FBXW12: variants seen among roughly 807,000 people sequenced by gnomAD.
FBXW12 encodes F-box/WD repeat-containing protein 12.
In FBXW12, 43 loss-of-function variants were observed where a neutral mutation model predicts 55.3. The observed-to-expected ratio is 0.78, with a 90% CI of 0.61 to 1.00. The LOEUF (loss-of-function observed/expected upper bound fraction) is 1.00, where lower values mean the gene tolerates loss of function less well. Ranked by LOEUF, FBXW12 falls within the 50% of genes least tolerant of loss-of-function variation. The pLI, the probability that FBXW12 is intolerant of heterozygous loss-of-function variation, is 0.00. For synonymous variants in FBXW12, 184 were observed against 203.8 expected (o/e 0.90, Z 0.83); for missense variants, 524 against 560.5 (o/e 0.93, Z 0.66).
intron 6 of FBXW12, 87 bp downstream of exon 6, chr3:48,378,613 C>CATT: frequency 8.5e-6 from 5 of 587,054 alleles, no homozygotes; most frequent in East Asian, 4.0e-5. Context: ...TGTCCTATCC[C>CATT]TTTTTTTTTT....
intron 5 of FBXW12, among the ~76,000 whole-genome samples, chr3:48,375,843 T>G (rs1379438012): frequency 6.6e-6 from 1 of 151,724 alleles, no homozygotes; most frequent in Admixed American, 6.6e-5. Context: ...CCTGGCTAAT[T>G]TTTTTGTATT....
intron 10 of FBXW12, among the ~76,000 whole-genome samples, chr3:48,386,989 G>A (rs183445824): frequency 2.3e-3 from 341 of 150,318 alleles, no homozygotes; most frequent in African/African-American, 7.8e-3. Flanking sequence ...CCAGGCTGGA[G>A]TGCAATGGCA....
chr3:48,374,329 A>ATT (rs35433340), intron 4 of FBXW12, among the ~76,000 whole-genome samples: 64,179 of 137,652 alleles, frequency 0.47, 15,720 homozygotes, highest in South Asian at 0.65. Flanking sequence ...CAACCAGTTG[A>ATT]TTTTTTTTTT....
At chr3:48,391,395 A>G (rs1482267625) in intron 10 of FBXW12, among the ~76,000 whole-genome samples, 2 of 151,996 alleles carry the variant, frequency 1.3e-5, no homozygotes, top group Non-Finnish European at 2.9e-5. Context: ...TATTGTCCAC[A>G]AATAGATAGT....
At chr3:48,393,243 G>A (rs369172147) in intron 10 of FBXW12, among the ~76,000 whole-genome samples, 27 of 152,152 alleles carry the variant, frequency 1.8e-4, no homozygotes, top group African/African-American at 5.5e-4. Flanking sequence ...TAATCCACCC[G>A]CCTTGGCCTC....
chr3:48,373,740 G>A lies in FBXW12; in HGVS notation c.286+35G>A, dbSNP rs1258950107. ...TAGGTGCCCTAGAGGAACATGAGCAGCTTGTTTTCAGAGGTCCACTCTATT... is the reference window on the plus strand; with the variant it reads ...TAGGTGCCCTAGAGGAACATGAGCAACTTGTTTTCAGAGGTCCACTCTATT... On this transcript the variant is annotated intron_variant, in intron 4 of 10. Coordinates refer to ENST00000296438, the MANE Select transcript of FBXW12 (RefSeq NM_207102.2). 3.8e-6 allele frequency: 6 copies of A among 1,578,810 alleles called. No individual in the cohort carries two copies. In the East Asian group the frequency reaches 6.8e-5, roughly 18 times the overall value.
intron 7 of FBXW12, chr3:48,380,158 T>G (rs1426381396): frequency 6.6e-6 from 1 of 152,576 alleles, no homozygotes; most frequent in African/African-American, 2.4e-5. Flanking sequence ...ATTTTTTTTT[T>G]TTTTTACAAA....
chr3:48,372,617 G>C (rs553065234), intron 1 of FBXW12, 67 bp from the exon 2 acceptor site: 1 of 1,544,230 alleles, frequency 6.5e-7, no homozygotes, highest in South Asian at 1.2e-5. Flanking sequence ...AGGTCAGCCC[G>C]GGAGTCTGCA....
chr3:48,392,312 A>G (rs879350628), intron 10 of FBXW12, among the ~76,000 whole-genome samples: 8 of 152,094 alleles, frequency 5.3e-5, no homozygotes, highest in East Asian at 1.9e-4. Context: ...TTAGCTGGGC[A>G]TGGTGGCGGG....
intron 7 of FBXW12, chr3:48,379,885 C>CGGG (rs2036741543): frequency 3.8e-6 from 1 of 262,670 alleles, no homozygotes; most frequent in Non-Finnish European, 7.4e-6. Context: ...AAGGCTGAGG[C>CGGG]GGGAGGATCA....
At position 48,379,536 on chromosome 3, in the gene FBXW12, C is replaced by T. The variant is rs750294052; in HGVS notation, c.752C>T (p.Thr251Ile). 10 of 1,613,966 alleles carry T rather than the reference C, an allele frequency of 6.2e-6. No individual in the cohort carries two copies. Among genetic ancestry groups the T allele is most frequent in the Non-Finnish European group, 7.6e-6 (9 of 1,179,934 alleles). Reference protein sequence around the residue: ...PDKKWVFACGTYSRTLPQVFL... With the variant: ...PDKKWVFACGIYSRTLPQVFL... ...AAGAAATGGGTATTTGCATGTGGGA[C>T]ATACAGTCGTACCTTGCCACAGGTA... The change falls in exon 7 of 11, where the codon ACA becomes ATA. Residue 251 changes from threonine to isoleucine, a missense_variant. Coordinates refer to ENST00000296438, the MANE Select transcript of FBXW12 (RefSeq NM_207102.2).
In FBXW12 at chr3:48,372,867, T is replaced by C; in HGVS notation, c.90+10T>C. 2 of 1,613,298 alleles carry C rather than the reference T, an allele frequency of 1.2e-6. No homozygotes were observed. Among genetic ancestry groups the C allele is most frequent in the Non-Finnish European group, 8.5e-7 (1 of 1,179,230 alleles). On this transcript the variant is annotated intron_variant, in intron 2 of 10. Transcript: ENST00000296438. ...TTCCCAGGTGAACAAGGTAAAGGCC[T>C]TCCACCTCCCACTGCCCCCCAAGCC...
At chr3:48,393,266 G>A (rs1293891473) in intron 10 of FBXW12, among the ~76,000 whole-genome samples, 2 of 152,134 alleles carry the variant, frequency 1.3e-5, no homozygotes, top group East Asian at 3.9e-4. Context: ...AAAGTGCTGG[G>A]ATTACAGAAG....
chr3:48,380,758 C>T lies in FBXW12; in HGVS notation c.831C>T (p.Thr277=). The T allele has an allele frequency of 6.2e-7, 1 of 1,614,120 alleles. No individual in the cohort carries two copies. Among genetic ancestry groups the T allele is most frequent in the Non-Finnish European group, 8.5e-7 (1 of 1,179,984 alleles). The change falls in exon 8 of 11, where the codon ACC becomes ACT. Residue 277 remains threonine (T), a synonymous_variant. Coordinates refer to ENST00000296438, the MANE Select transcript of FBXW12 (RefSeq NM_207102.2). ...CAGAAGGCAGTGTTCCTCTGTCTAC[C>T]TTTCTCCCACATAAATTATGTGCCA... ...RPSEGSVPLS[T]FLPHKLCASA...
chr3:48,376,103 T>C (rs1020242753), intron 5 of FBXW12, among the ~76,000 whole-genome samples: 11 of 143,412 alleles, frequency 7.7e-5, no homozygotes, highest in Non-Finnish European at 1.5e-4. Context: ...TGCCTCAGCC[T>C]CCTGAGTAGC....
chr3:48,378,613 CTTTTT>C (rs749717436), intron 6 of FBXW12, 87 bp downstream of exon 6: 308 of 586,240 alleles, frequency 5.3e-4, no homozygotes, highest in Non-Finnish European at 5.5e-4. Context: ...TGTCCTATCC[CTTTTT>C]TTTTTTTTTT....
At chr3:48,394,293 C>T (rs938226088) in intron 10 of FBXW12, among the ~76,000 whole-genome samples, 3 of 152,024 alleles carry the variant, frequency 2.0e-5, no homozygotes, top group African/African-American at 4.8e-5. Context: ...CCTCTCTAAT[C>T]ATCATTAAAC....
Position 48,372,748 on chromosome 3 carries a change from G to T in FBXW12, c.-20G>T. On this transcript the variant is annotated 5_prime_UTR_variant, in exon 2 of 11. It removes an upstream start codon present in the reference 5' UTR. Coordinates refer to ENST00000296438, the MANE Select transcript of FBXW12 (RefSeq NM_207102.2). Reference sequence around the variant, plus strand: ...CCGGAGAGGAGAAAGGAAAGTGGATGTGGGTTCAGGCCGCATGAAATGGAG... The same window carrying T: ...CCGGAGAGGAGAAAGGAAAGTGGATTTGGGTTCAGGCCGCATGAAATGGAG... 6.2e-7 allele frequency: 1 copy of T among 1,614,186 alleles called. No individual in the cohort carries two copies. Among genetic ancestry groups the T allele is most frequent in the Non-Finnish European group, 8.5e-7 (1 of 1,180,014 alleles).
intron 1 of FBXW12, 107 bp from the exon 2 acceptor site, chr3:48,372,577 G>T: frequency 1.5e-6 from 2 of 1,342,944 alleles, no homozygotes; most frequent in Non-Finnish European, 2.0e-6. Flanking sequence ...CAGCTGTGTG[G>T]ATCAGGCCCC....
Sources: gnomAD v4.1 joint callset for allele counts (sites outside exome capture counted in the v4.1 genomes callset) on GRCh38, gnomAD v4.1.1 for gene constraint, MANE v1.5 for transcripts, NCBI Gene and HGNC (gene_info 2026-07-23, HGNC 2026-07-21) for gene names.